The following PHF21A variants were observed in gnomAD, a reference collection of about 807,000 sequenced individuals.
PHF21A encodes PHD finger protein 21A.
A neutral mutation model predicts 82.5 loss-of-function variants in PHF21A; 11 were observed. That is an observed-to-expected ratio of 0.13 (90% CI 0.08 to 0.22). The LOEUF (loss-of-function observed/expected upper bound fraction) is 0.22. Ranked by LOEUF, PHF21A falls within the 10% of genes least tolerant of loss-of-function variation. PHF21A has a pLI of 1.00. For synonymous variants in PHF21A, 297 were observed against 302.8 expected (o/e 0.98, Z 0.20); for missense variants, 579 against 837.8 (o/e 0.69, Z 3.81).
At position 46,108,843 on chromosome 11, in the gene PHF21A, AAAGTGCCCAACT is replaced by A. The variant is rs1456023463; in HGVS notation, c.-237+12080_-237+12091del. On this transcript the variant is annotated intron_variant, in intron 1 of 18. Coordinates refer to ENST00000676320, the MANE Select transcript of PHF21A (RefSeq NM_001352027.3). Reference sequence around the variant, plus strand: ...TAAACTAACTTACACTGTGCTTTATAAAGTGCCCAACTTCCAAACTTTAAGAAATAGCTATTA... The same window carrying A: ...TAAACTAACTTACACTGTGCTTTATATCCAAACTTTAAGAAATAGCTATTA... 1.1e-3 allele frequency among the ~76,000 whole-genome samples: 164 copies of A among 152,282 alleles called. 2 individuals are homozygous for A. The highest frequency in any genetic ancestry group is 1.2e-4 in the Non-Finnish European group (8 of 68,020).
chr11:45,951,122 A>G (rs543340913), intron 11 of PHF21A, among the ~76,000 whole-genome samples: 1 of 152,340 alleles, frequency 6.6e-6, no homozygotes, highest in African/African-American at 2.4e-5. Flanking sequence ...CTTTGCTTGC[A>G]TGTGGTCTGA....
At chr11:46,078,664 T>C (rs2096756356) in intron 5 of PHF21A, among the ~76,000 whole-genome samples, 1 of 152,140 alleles carries the variant, frequency 6.6e-6, no homozygotes, top group African/African-American at 2.4e-5. Flanking sequence ...TTTTCTAAAA[T>C]GCTTCTTTTA....
In PHF21A at chr11:46,009,094, C is replaced by T. The variant is rs1438152970; in HGVS notation, c.154-29128G>A. Among the ~76,000 whole-genome samples, 8 of 151,726 alleles carry T rather than the reference C, an allele frequency of 5.3e-5. No individual in the cohort carries two copies. The South Asian group carries it at 6.2e-4, about 12-fold the overall frequency. ...GGTTCAAGCGATTCTCCTGCCTCAGCCTCCTGAGTAGCTGGGATTACAGGC... is the reference window on the plus strand; with the variant it reads ...GGTTCAAGCGATTCTCCTGCCTCAGTCTCCTGAGTAGCTGGGATTACAGGC... On this transcript the variant is annotated intron_variant, in intron 6 of 18. Coordinates refer to ENST00000676320, the MANE Select transcript of PHF21A (RefSeq NM_001352027.3).
chr11:45,992,167 G>A (rs2094726674), intron 6 of PHF21A, among the ~76,000 whole-genome samples: 1 of 152,102 alleles, frequency 6.6e-6, no homozygotes, highest in African/African-American at 2.4e-5. Flanking sequence ...TGGGCCACCA[G>A]TTTTCAACCC....
At chr11:45,975,358 A>AAAAT (rs1226259755) in intron 7 of PHF21A, among the ~76,000 whole-genome samples, 4 of 149,172 alleles carry the variant, frequency 2.7e-5, no homozygotes, top group Non-Finnish European at 5.9e-5. Context: ...AAAATAAAAT[A>AAAAT]AAATAAAATA....
At chr11:46,048,800 C>T (rs1410124272) in intron 6 of PHF21A, among the ~76,000 whole-genome samples, 4 of 151,768 alleles carry the variant, frequency 2.6e-5, no homozygotes, top group Admixed American at 6.6e-5. Context: ...TTTGTTTGAA[C>T]GTATGCTTTC....
chr11:46,089,049 G>GC (rs11431835), intron 3 of PHF21A, among the ~76,000 whole-genome samples: 137,225 of 152,128 alleles, frequency 0.9, 62,052 homozygotes, highest in East Asian at 1. Context: ...GACACAGTGT[G>GC]CCCCAAACTG....
At chr11:45,939,239 A>T (rs1427429816) in intron 15 of PHF21A, among the ~76,000 whole-genome samples, 1 of 152,200 alleles carries the variant, frequency 6.6e-6, no homozygotes, top group East Asian at 1.9e-4. Flanking sequence ...GTAGAGGACA[A>T]CCTACATATC....
chr11:46,065,082 A>T (rs2096578749), intron 6 of PHF21A, among the ~76,000 whole-genome samples: 1 of 152,218 alleles, frequency 6.6e-6, no homozygotes, highest in African/African-American at 2.4e-5. Context: ...AGACATTGTT[A>T]ACTTTCTTGA....
intron 6 of PHF21A, among the ~76,000 whole-genome samples, chr11:46,042,941 AT>A (rs2096182202): frequency 6.6e-6 from 1 of 152,096 alleles, no homozygotes; most frequent in African/African-American, 2.4e-5. Flanking sequence ...AGTCTGAGGT[AT>A]TTTGTTATAG....
chr11:46,019,841 T>A (rs1038732671), intron 6 of PHF21A, among the ~76,000 whole-genome samples: 1 of 152,094 alleles, frequency 6.6e-6, no homozygotes, highest in African/African-American at 2.4e-5. Flanking sequence ...GTGAGTTACA[T>A]CTCCTAGGTA....
At chr11:46,066,165 C>T (rs1288536509) in intron 6 of PHF21A, among the ~76,000 whole-genome samples, 1 of 152,110 alleles carries the variant, frequency 6.6e-6, no homozygotes, top group East Asian at 1.9e-4. Flanking sequence ...CAACATTAGT[C>T]TATGCTGTTA....
chr11:45,938,422 T>C (rs2089622156), intron 15 of PHF21A, 110 bp from the exon 16 acceptor site: 7 of 813,542 alleles, frequency 8.6e-6, no homozygotes, highest in Non-Finnish European at 9.7e-6. Flanking sequence ...AGCTGCCTCG[T>C]TCCAGGAGTA....
chr11:46,109,380 C>A (rs1023992822), intron 1 of PHF21A, among the ~76,000 whole-genome samples: 2 of 152,044 alleles, frequency 1.3e-5, no homozygotes, highest in East Asian at 1.9e-4. Context: ...AACAGATAAA[C>A]CTAAGGTACA....
intron 15 of PHF21A, among the ~76,000 whole-genome samples, chr11:45,942,557 C>G (rs879134412): frequency 3.3e-5 from 5 of 152,160 alleles, no homozygotes; most frequent in Non-Finnish European, 7.3e-5. Context: ...AGTTAGGAAA[C>G]CTGTGTCAAT....
chr11:46,079,875 GGAAAGGAAAGGAAAA>G (rs1255862096), intron 4 of PHF21A, among the ~76,000 whole-genome samples: 2 of 150,006 alleles, frequency 1.3e-5, no homozygotes, highest in South Asian at 4.2e-4. Flanking sequence ...AAAGGAAAGA[GGAAAGGAAAGGAAAA>G]GAAAGGAAAG....
chr11:46,047,096 A>G (rs78131170), intron 6 of PHF21A, among the ~76,000 whole-genome samples: 3,902 of 152,326 alleles, frequency 0.026, 127 homozygotes, highest in African/African-American at 0.076. Context: ...TAGTTGACCA[A>G]ATAAATATCA....
At position 45,938,125 on chromosome 11, in the gene PHF21A, G is replaced by A. The variant is rs758291150; in HGVS notation, c.1608+32C>T. 10 of 1,520,190 alleles carry A rather than the reference G, an allele frequency of 6.6e-6. No individual in the cohort carries two copies. In the Admixed American group the frequency reaches 1.0e-4, roughly 16 times the overall value. 94.2% of individuals were successfully genotyped at this position (1,520,190 alleles called of 1,614,324 possible). On this transcript the variant is annotated intron_variant, in intron 16 of 18. Coordinates refer to ENST00000676320, the MANE Select transcript of PHF21A (RefSeq NM_001352027.3). The stretch of plus-strand genomic sequence containing the variant: ...TGATGGCCGTGTCTTTGTCCTCCTC[G>A]GCCCCTCCCCTGTTGGACCCACCCA...
At chr11:46,052,984 G>A (rs1250812032) in intron 6 of PHF21A, among the ~76,000 whole-genome samples, 1 of 152,138 alleles carries the variant, frequency 6.6e-6, no homozygotes, top group Non-Finnish European at 1.5e-5. Context: ...CTCACATGAA[G>A]GCAAATCAGG....
Sources: gnomAD v4.1 joint callset for allele counts (sites outside exome capture counted in the v4.1 genomes callset) on GRCh38, gnomAD v4.1.1 for gene constraint, MANE v1.5 for transcripts, NCBI Gene and HGNC (gene_info 2026-07-23, HGNC 2026-07-21) for gene names.